The following LRTM3 variants were observed in gnomAD, a reference collection of about 807,000 sequenced individuals.
LRTM3 encodes leucine-rich repeat transmembrane protein 3.
At chr13:102,738,780 A>C in the LRTM3 span, 3 of 1,550,352 alleles carry the variant, frequency 1.9e-6, no homozygotes, top group Non-Finnish European at 2.6e-6. Context: ...ATGGAAGCAA[A>C]AGGTTTGCTC....
the LRTM3 span, chr13:102,737,550 C>T: frequency 1.9e-6 from 3 of 1,550,698 alleles, no homozygotes; most frequent in South Asian, 3.6e-5. Flanking sequence ...TGCTCCTGGC[C>T]TTCTCCATCC....
chr13:102,739,118 G>A, the LRTM3 span: 7 of 1,550,360 alleles, frequency 4.5e-6, no homozygotes, highest in Non-Finnish European at 6.1e-6. Context: ...GTGAGGTGGA[G>A]AAAGAATAGA....
At chr13:102,737,248 A>C in the LRTM3 span, 2 of 1,551,086 alleles carry the variant, frequency 1.3e-6, no homozygotes, top group Non-Finnish European at 8.7e-7. Context: ...TATCCACCCC[A>C]AAAGACTTTG....
At chr13:102,749,379 G>T in the LRTM3 span, 25 of 1,551,202 alleles carry the variant, frequency 1.6e-5, no homozygotes, top group South Asian at 2.5e-4. Context: ...ACACTCCTTA[G>T]TTGTGGCATA....
At chr13:102,754,222 A>C in the LRTM3 span, among the ~76,000 whole-genome samples, 1 of 151,812 alleles carries the variant, frequency 6.6e-6, no homozygotes, top group African/African-American at 2.4e-5. Context: ...AAAAAAAAAA[A>C]AAAAACCCTG....
the LRTM3 span, chr13:102,734,250 C>T: frequency 1.3e-6 from 2 of 1,551,410 alleles, no homozygotes; most frequent in Middle Eastern, 1.7e-4. Flanking sequence ...CCTTTTCTTA[C>T]ATCACCACTC....
chr13:102,752,243 C>A, the LRTM3 span, among the ~76,000 whole-genome samples: 1 of 152,174 alleles, frequency 6.6e-6, no homozygotes, highest in Non-Finnish European at 1.5e-5. Flanking sequence ...AACATGAGTT[C>A]CATGGAGAGG....
At chr13:102,738,481 C>A in the LRTM3 span, 7 of 1,550,760 alleles carry the variant, frequency 4.5e-6, no homozygotes, top group East Asian at 1.5e-4. Flanking sequence ...TATGTTCTAT[C>A]CTTTTCTCTT....
chr13:102,740,271 G>A, the LRTM3 span: 135 of 1,550,026 alleles, frequency 8.7e-5, 4 homozygotes, highest in South Asian at 1.4e-3. Context: ...GATCCTAAAG[G>A]CAGCATTGAA....
the LRTM3 span, chr13:102,734,287 T>C: frequency 6.4e-7 from 1 of 1,551,440 alleles, no homozygotes; most frequent in Non-Finnish European, 8.7e-7. Flanking sequence ...CTGTTTTCTC[T>C]GTATCTGGTA....
the LRTM3 span, chr13:102,758,956 CTGGT>C: frequency 5.1e-6 from 7 of 1,364,350 alleles, no homozygotes; most frequent in Non-Finnish European, 6.0e-6. Context: ...GTGAAAGAGA[CTGGT>C]GTCTCATTCA....
the LRTM3 span, chr13:102,743,125 A>T: frequency 5.7e-5 from 89 of 1,550,496 alleles, 1 homozygote; most frequent in African/African-American, 9.7e-4. Flanking sequence ...CATAGAATGG[A>T]TCCATTTCTG....
the LRTM3 span, chr13:102,758,990 G>T: frequency 1.9e-6 from 2 of 1,068,122 alleles, no homozygotes; most frequent in African/African-American, 3.2e-5. Flanking sequence ...GATTTCAGAG[G>T]CCCTGAAATA....
At chr13:102,741,680 G>T in the LRTM3 span, 1 of 1,550,256 alleles carries the variant, frequency 6.5e-7, no homozygotes, top group Non-Finnish European at 8.7e-7. Flanking sequence ...ATCCAACTCT[G>T]TAAAAAATAT....
the LRTM3 span, chr13:102,748,934 A>AT: frequency 6.5e-7 from 1 of 1,550,376 alleles, no homozygotes; most frequent in Non-Finnish European, 8.7e-7. Context: ...TGCATAATTG[A>AT]TTTTCTCTGT....
chr13:102,742,279 C>T, the LRTM3 span: 1 of 1,550,208 alleles, frequency 6.5e-7, no homozygotes, highest in Non-Finnish European at 8.7e-7. Flanking sequence ...TTTTTGCCTT[C>T]AATTTTATCT....
At chr13:102,740,548 T>A in the LRTM3 span, 2 of 1,549,322 alleles carry the variant, frequency 1.3e-6, no homozygotes, top group African/African-American at 2.7e-5. Flanking sequence ...TGAGTAAGTC[T>A]TGTCTTTTTT....
the LRTM3 span, among the ~76,000 whole-genome samples, chr13:102,752,986 C>T: frequency 2.0e-5 from 3 of 152,060 alleles, no homozygotes; most frequent in Non-Finnish European, 4.4e-5. Flanking sequence ...ACACCATGGA[C>T]ATGCATATAC....
At chr13:102,744,412 G>A in the LRTM3 span, 1 of 1,549,314 alleles carries the variant, frequency 6.5e-7, no homozygotes. Flanking sequence ...CATCCCAAGG[G>A]GTATCACGTG....
Sources: allele counts gnomAD v4.1 joint callset (sites outside exome capture counted in the v4.1 genomes callset), GRCh38; gene constraint gnomAD v4.1.1; transcripts MANE v1.5; gene names NCBI Gene and HGNC (gene_info 2026-07-23, HGNC 2026-07-21).